Variants in TMC3 observed in about 807,000 individuals in gnomAD.
The protein encoded by TMC3 is transmembrane channel like 3, also known as transmembrane channel-like protein 3.
In TMC3, 98 loss-of-function variants were observed where a neutral mutation model predicts 110.6. The observed-to-expected ratio is 0.89, with a 90% CI of 0.75 to 1.05. The LOEUF is 1.05. Among genes scored for constraint, TMC3 ranks in the 50% least tolerant of loss-of-function variants. The pLI is 0.00. For synonymous variants in TMC3, 489 were observed against 513.1 expected, an observed-to-expected ratio of 0.95 and a Z score of 0.63; for missense variants, 1,319 against 1,373.2, an observed-to-expected ratio of 0.96 and a Z score of 0.62.
rs1330241879 is a variant in TMC3, at chr15:81,359,412, T to A, written c.454A>T (p.Asn152Tyr). 6.2e-7 allele frequency: 1 copy of A among 1,606,162 alleles called. No individual in the cohort carries two copies. The highest frequency in any genetic ancestry group is 1.1e-5 in the South Asian group (1 of 88,734). ...CCTGTCATAATGGTGAGCACAATAT[T>A]AATTCCAAATAACCATCTCAAGAAT... Reference protein sequence around the residue: ...FIFLRWLFGINIVLTIMTGAF... With the variant: ...FIFLRWLFGIYIVLTIMTGAF... The change falls in exon 5 of 22, where the codon AAT becomes TAT. Residue 152 changes from asparagine to tyrosine, a missense_variant. By Grantham distance (143) the Asn-to-Tyr change is moderately radical. Coordinates refer to ENST00000359440, the MANE Select transcript of TMC3 (RefSeq NM_001080532.3).
intron 11 of TMC3, 114 bp downstream of exon 11, chr15:81,349,344 G>T: frequency 3.7e-6 from 2 of 545,770 alleles, no homozygotes; most frequent in Non-Finnish European, 6.0e-6. Context: ...AAAGTTCTGT[G>T]CTGATTGTCT....
chr15:81,363,365 C>A (rs1375230555), intron 3 of TMC3, among the ~76,000 whole-genome samples: 2 of 152,198 alleles, frequency 1.3e-5, no homozygotes, highest in Non-Finnish European at 2.9e-5. Flanking sequence ...CTGCTTCCAA[C>A]AAAGTTGGCA....
intron 3 of TMC3, among the ~76,000 whole-genome samples, chr15:81,368,047 G>T (rs1250321711): frequency 1.3e-5 from 2 of 152,142 alleles, no homozygotes; most frequent in South Asian, 4.1e-4. Flanking sequence ...CGATTCTCCT[G>T]CCTCAGCCTC....
In TMC3 at chr15:81,344,684, G is replaced by T. The variant is rs1433296058; in HGVS notation, c.1518+82C>A. ...GAACTTTTCTTTTTTCTATAACATA[G>T]GGGCAGTGACAGCTCAGAGAGTTGC... On this transcript the variant is annotated intron_variant, in intron 13 of 21. Coordinates refer to ENST00000359440, the MANE Select transcript of TMC3 (RefSeq NM_001080532.3). The T allele has an allele frequency of 2.2e-6, 3 of 1,363,440 alleles. No individual in the cohort carries two copies. The African/African-American group carries it at 4.3e-5, about 20-fold the overall frequency. 84.5% of individuals were successfully genotyped at this position (1,363,440 alleles called of 1,614,324 possible). A position where few individuals can be genotyped will look rare whatever the true frequency, so the allele number is the denominator to read the frequency against.
intron 10 of TMC3, among the ~76,000 whole-genome samples, chr15:81,349,949 C>T (rs12440980): frequency 0.61 from 84,994 of 138,212 alleles, 28,613 homozygotes; most frequent in Non-Finnish European, 0.77. Context: ...ACAGCAAGAC[C>T]CCATCTCTAC....
intron 3 of TMC3, among the ~76,000 whole-genome samples, chr15:81,363,175 C>T (rs1894228432): frequency 1.3e-5 from 2 of 151,568 alleles, no homozygotes; most frequent in African/African-American, 4.9e-5. Context: ...CGCTTGAACC[C>T]GGGAGGCAGA....
At chr15:81,373,936 C>A in intron 1 of TMC3, 53 bp downstream of exon 1, 9 of 1,553,152 alleles carry the variant, frequency 5.8e-6, no homozygotes, top group Non-Finnish European at 7.9e-6. Flanking sequence ...CCCATGCATT[C>A]CTTCCTCACA....
chr15:81,358,522 T>C (rs1489874354), intron 5 of TMC3, 22 bp from the exon 6 acceptor site: 3 of 1,588,148 alleles, frequency 1.9e-6, no homozygotes, highest in African/African-American at 1.3e-5. Context: ...AGAAAGCATG[T>C]CATGTGGTCC....
At chr15:81,353,090 G>A (rs1301370232) in intron 9 of TMC3, among the ~76,000 whole-genome samples, 1 of 152,086 alleles carries the variant, frequency 6.6e-6, no homozygotes, top group Non-Finnish European at 1.5e-5. Flanking sequence ...CCAAAGTGCT[G>A]GGATTACAGG....
chr15:81,331,513 T>G lies in TMC3; in HGVS notation c.*906A>C, dbSNP rs1174711726. The G allele has an allele frequency of 2.0e-5, 3 of 152,216 alleles. No individual in the cohort carries two copies. In the East Asian group the frequency reaches 5.8e-4, roughly 29 times the overall value. The allele number at this position is 152,216 out of a possible 1,614,324, so 9.4% of individuals were successfully genotyped here. ...TTTTGAAGGAAAAAGTAAAAATTTTTGGTTGTCTTTGATTATACTTGTAAA... is the reference window on the plus strand; with the variant it reads ...TTTTGAAGGAAAAAGTAAAAATTTTGGGTTGTCTTTGATTATACTTGTAAA... On this transcript the variant is annotated 3_prime_UTR_variant, in exon 22 of 22. Transcript: ENST00000359440.
chr15:81,372,875 G>GTGTGTGTGTGTA, intron 1 of TMC3, 138 bp from the exon 2 acceptor site: 1 of 662,990 alleles, frequency 1.5e-6, no homozygotes, highest in Non-Finnish European at 2.5e-6. Flanking sequence ...TTGTGCGTGT[G>GTGTGTGTGTGTA]TGTGTGTGTG....
chr15:81,349,806 TCATA>T (rs1893906426), intron 10 of TMC3, among the ~76,000 whole-genome samples: 1 of 142,668 alleles, frequency 7.0e-6, no homozygotes, highest in Non-Finnish European at 1.5e-5. Flanking sequence ...CTGAGGACAC[TCATA>T]CATCCCATTT....
intron 2 of TMC3, among the ~76,000 whole-genome samples, chr15:81,370,218 T>G (rs567225114): frequency 9.9e-5 from 15 of 152,204 alleles, no homozygotes; most frequent in Non-Finnish European, 1.9e-4. Flanking sequence ...CAGGGTTAGC[T>G]CACTCTGCTT....
intron 8 of TMC3, 106 bp downstream of exon 8, chr15:81,356,341 G>T: frequency 1.6e-6 from 2 of 1,273,234 alleles, no homozygotes; most frequent in Admixed American, 2.8e-5. Context: ...CCTGGACAAT[G>T]AACATCAATG....
intron 5 of TMC3, 79 bp from the exon 6 acceptor site, chr15:81,358,579 T>A: frequency 8.4e-7 from 1 of 1,188,256 alleles, no homozygotes; most frequent in East Asian, 2.6e-5. Context: ...GATCTCCATG[T>A]GCTTGTGAAA....
chr15:81,361,472 C>G (rs555424068), intron 4 of TMC3, among the ~76,000 whole-genome samples: 1 of 152,236 alleles, frequency 6.6e-6, no homozygotes, highest in African/African-American at 2.4e-5. Flanking sequence ...AATTGTTGTA[C>G]CTTTATGATA....
chr15:81,349,364 G>A, intron 11 of TMC3, 94 bp downstream of exon 11: 1 of 687,290 alleles, frequency 1.5e-6, no homozygotes, highest in Non-Finnish European at 2.2e-6. Flanking sequence ...TGAGAGAAAA[G>A]AAGCAAGCCC....
chr15:81,364,999 A>T (rs998896372), intron 3 of TMC3, among the ~76,000 whole-genome samples: 2 of 152,158 alleles, frequency 1.3e-5, no homozygotes, highest in Non-Finnish European at 2.9e-5. Flanking sequence ...TCTCATGATT[A>T]TAAAAGTAAA....
intron 7 of TMC3, 117 bp downstream of exon 7, chr15:81,358,032 A>G (rs990751059): frequency 8.0e-7 from 1 of 1,249,982 alleles, no homozygotes; most frequent in Non-Finnish European, 1.1e-6. Flanking sequence ...CTTGATATGT[A>G]TTTTGAGAAA....
Sources: allele counts gnomAD v4.1 joint callset (sites outside exome capture counted in the v4.1 genomes callset), GRCh38; gene constraint gnomAD v4.1.1; transcripts MANE v1.5; gene names NCBI Gene and HGNC (gene_info 2026-07-23, HGNC 2026-07-21).